The following BTBD10 variants were observed in gnomAD, a reference collection of about 807,000 sequenced individuals.
BTBD10 encodes the protein BTB domain containing 10, also known as BTB/POZ domain-containing protein 10.
A neutral mutation model predicts 53.2 loss-of-function variants in BTBD10; 21 were observed. The ratio of observed to expected loss-of-function variants is 0.39; its 90% CI spans 0.28 to 0.57. BTBD10 has a LOEUF of 0.57. Among genes scored for constraint, BTBD10 ranks in the 20% least tolerant of loss-of-function variants. The probability of loss-of-function intolerance (pLI) is 0.53; values close to 1 mark genes in which losing one functional copy is unlikely to be tolerated. For missense variants in BTBD10, 360 were observed against 594.7 expected (o/e 0.61, Z 4.10); for synonymous variants, 149 against 192.7 (o/e 0.77, Z 1.88).
chr11:13,445,827 G>T (rs1294469768), intron 1 of BTBD10, among the ~76,000 whole-genome samples: 2 of 152,108 alleles, frequency 1.3e-5, no homozygotes, highest in African/African-American at 4.8e-5. Context: ...CAAATGAAAT[G>T]ATAAGGAAAC....
At chr11:13,398,393 T>G (rs1042351664) in intron 8 of BTBD10, among the ~76,000 whole-genome samples, 4 of 152,158 alleles carry the variant, frequency 2.6e-5, no homozygotes, top group African/African-American at 9.7e-5. Context: ...TCCATTTGCT[T>G]GGTAGATCTT....
rs1237458196 is a variant in BTBD10, at chr11:13,419,690, T to C, written c.354A>G (p.Ala118=). Reference sequence around the variant, plus strand: ...CACTGCTAATGGAACCATTTGGGGATGCTTTTTGAGGACGCGGACTGCTTG... The same window carrying C: ...CACTGCTAATGGAACCATTTGGGGACGCTTTTTGAGGACGCGGACTGCTTG... ...SRPSSPRPQK[A]SPNGSISSAG... Residue 118 remains alanine, a synonymous_variant, in exon 4 of 9, where the codon GCA becomes GCG. Coordinates refer to ENST00000278174, the MANE Select transcript of BTBD10 (RefSeq NM_032320.7). 6.2e-7 allele frequency: 1 copy of C among 1,613,788 alleles called. No homozygotes were observed. Among genetic ancestry groups the C allele is most frequent in the Non-Finnish European group, 8.5e-7 (1 of 1,179,874 alleles).
intron 1 of BTBD10, among the ~76,000 whole-genome samples, chr11:13,457,334 C>T (rs1262672893): frequency 2.0e-5 from 3 of 152,100 alleles, no homozygotes; most frequent in Non-Finnish European, 2.9e-5. Flanking sequence ...AATATATTCA[C>T]TGTGGCATTA....
At chr11:13,438,273 T>C (rs1310885585) in intron 2 of BTBD10, among the ~76,000 whole-genome samples, 2 of 152,096 alleles carry the variant, frequency 1.3e-5, no homozygotes, top group African/African-American at 4.8e-5. Context: ...CTTAGCTATT[T>C]GCTTTGCTTT....
At chr11:13,393,381 T>C (rs1949456075) in intron 8 of BTBD10, among the ~76,000 whole-genome samples, 1 of 152,200 alleles carries the variant, frequency 6.6e-6, no homozygotes, top group Non-Finnish European at 1.5e-5. Flanking sequence ...TTTAATATTC[T>C]AATAAACTCT....
intron 2 of BTBD10, among the ~76,000 whole-genome samples, chr11:13,422,309 G>A (rs976064519): frequency 1.3e-5 from 2 of 152,106 alleles, no homozygotes; most frequent in Non-Finnish European, 2.9e-5. Flanking sequence ...ACTTTCAGTT[G>A]AGCCTTTTCA....
intron 2 of BTBD10, chr11:13,439,962 C>G: frequency 6.5e-7 from 1 of 1,534,976 alleles, no homozygotes; most frequent in African/African-American, 1.4e-5. Flanking sequence ...GGACTCTGCT[C>G]TTTCAAACAA....
At chr11:13,421,153 G>T (rs1323260102) in intron 3 of BTBD10, among the ~76,000 whole-genome samples, 1 of 152,116 alleles carries the variant, frequency 6.6e-6, no homozygotes, top group Non-Finnish European at 1.5e-5. Context: ...ATACTGAGTA[G>T]GAAGGAAGGT....
In BTBD10 at chr11:13,405,931, T is replaced by C. The variant is rs1591105744; in HGVS notation, c.809-75A>G. 21 of 1,437,236 alleles carry C rather than the reference T, an allele frequency of 1.5e-5. No homozygotes were observed. In the Middle Eastern group the frequency reaches 5.5e-4, roughly 37 times the overall value. 89.0% of individuals were successfully genotyped at this position (1,437,236 alleles called of 1,614,324 possible). ...GTTCTTTTAGAAATATAGACTCTTA[T>C]AACAAGAAAGGCCAGGCAGCCTACA... is the stretch of plus-strand genomic sequence containing the variant. On this transcript the variant is annotated intron_variant, in intron 6 of 8. Transcript: ENST00000278174.
chr11:13,415,195 C>T (rs141524754), intron 5 of BTBD10, among the ~76,000 whole-genome samples: 170 of 149,554 alleles, frequency 1.1e-3, no homozygotes, highest in African/African-American at 4.0e-3. Flanking sequence ...CTCACTGCAA[C>T]CTTCGCCTCC....
chr11:13,400,269 G>A (rs942728888), intron 8 of BTBD10, among the ~76,000 whole-genome samples: 20 of 152,282 alleles, frequency 1.3e-4, no homozygotes, highest in African/African-American at 4.1e-4. Context: ...CCCCAGCCTC[G>A]CTGCCACCTT....
chr11:13,437,712 A>C (rs1180280243), intron 2 of BTBD10, among the ~76,000 whole-genome samples: 1 of 152,198 alleles, frequency 6.6e-6, no homozygotes, highest in Non-Finnish European at 1.5e-5. Context: ...AATTTTAACA[A>C]ACCTATCCCT....
chr11:13,456,032 G>A (rs573619069), intron 1 of BTBD10, among the ~76,000 whole-genome samples: 2 of 152,228 alleles, frequency 1.3e-5, no homozygotes, highest in East Asian at 1.9e-4. Flanking sequence ...AATGTTCTAC[G>A]TCTGCACTGT....
At chr11:13,430,972 C>CAT (rs200628820) in intron 2 of BTBD10, among the ~76,000 whole-genome samples, 6 of 103,926 alleles carry the variant, frequency 5.8e-5, no homozygotes, top group African/African-American at 2.6e-4. Context: ...TATGGAGATA[C>CAT]ATACACACAC....
intron 2 of BTBD10, 30 bp downstream of exon 2, chr11:13,444,994 T>A (rs771081242): frequency 6.5e-7 from 1 of 1,540,822 alleles, no homozygotes; most frequent in Non-Finnish European, 9.0e-7. Flanking sequence ...AGCAGAGCTT[T>A]CATATGCGAA....
At chr11:13,389,168 T>A in intron 8 of BTBD10, 27 bp from the exon 9 acceptor site, 1 of 1,586,620 alleles carries the variant, frequency 6.3e-7, no homozygotes, top group Non-Finnish European at 8.6e-7. Flanking sequence ...TTTTAAAAAC[T>A]GAGGAGACAC....
At chr11:13,398,350 G>A (rs1470060798) in intron 8 of BTBD10, among the ~76,000 whole-genome samples, 2 of 151,872 alleles carry the variant, frequency 1.3e-5, no homozygotes, top group Non-Finnish European at 2.9e-5. Flanking sequence ...TTTTATCAGA[G>A]ACTAGGATTG....
chr11:13,394,342 C>A lies in BTBD10; in HGVS notation c.1118-5201G>T, dbSNP rs552036875. 3.3e-5 allele frequency among the ~76,000 whole-genome samples: 5 copies of A among 152,260 alleles called. No individual in the cohort carries two copies. In the South Asian group the frequency reaches 1.0e-3, roughly 32 times the overall value. On this transcript the variant is annotated intron_variant, in intron 8 of 8. Transcript: ENST00000278174. ...TTGTGATAGTGAGTGCTCATGAGAT[C>A]TGACGGTTTAAAAGTATGTGGCAGT... is the stretch of plus-strand genomic sequence containing the variant.
At chr11:13,413,094 G>T (rs1949999199) in intron 6 of BTBD10, among the ~76,000 whole-genome samples, 1 of 152,104 alleles carries the variant, frequency 6.6e-6, no homozygotes, top group South Asian at 2.1e-4. Flanking sequence ...GATCTTTAAT[G>T]ATAGGTATTG....
Sources: allele counts gnomAD v4.1 joint callset (sites outside exome capture counted in the v4.1 genomes callset), GRCh38; gene constraint gnomAD v4.1.1; transcripts MANE v1.5; gene names NCBI Gene and HGNC (gene_info 2026-07-23, HGNC 2026-07-21).